Variants in CSMD1 observed in about 807,000 individuals in gnomAD.
CSMD1 encodes CUB and Sushi multiple domains 1.
CSMD1 carries 213 observed loss-of-function variants against 417.5 expected under a neutral mutation model. The ratio of observed to expected loss-of-function variants is 0.51; its 90% CI spans 0.46 to 0.57. The LOEUF is 0.57. Ranked by LOEUF, CSMD1 falls within the 20% of genes least tolerant of loss-of-function variation. CSMD1 has a pLI of 0.00. For missense variants in CSMD1, 6,923 were observed against 4,529.7 expected (o/e 1.53, Z -15.17); for synonymous variants, 2,862 against 1,736.8 (o/e 1.65, Z -16.11).
At chr8:4,295,728 GTGTGTGTGTATA>G (rs1797640236) in intron 3 of CSMD1, among the ~76,000 whole-genome samples, 1 of 111,670 alleles carries the variant, frequency 9.0e-6, no homozygotes, top group Non-Finnish European at 1.9e-5. Flanking sequence ...ATATATATCT[GTGTGTGTGTATA>G]TGTGTGTGTG....
Position 3,647,571 on chromosome 8 carries a change from G to A in CSMD1, c.1010-30774C>T, listed in dbSNP as rs570599781. On this transcript the variant is annotated intron_variant, in intron 7 of 69. Transcript: ENST00000635120. Reference sequence around the variant, plus strand: ...CAAATACAGCATAAAGAGAAATACGGCATAAAGAAAAACACAGCATGTTGG... The same window carrying A: ...CAAATACAGCATAAAGAGAAATACGACATAAAGAAAAACACAGCATGTTGG... Among the ~76,000 whole-genome samples the A allele has an allele frequency of 1.8e-4, 27 of 152,248 alleles. No individual in the cohort carries two copies. In the South Asian group the frequency reaches 3.5e-3, roughly 20 times the overall value.
chr8:3,538,302 G>C (rs1055243705), intron 10 of CSMD1, among the ~76,000 whole-genome samples: 2 of 152,202 alleles, frequency 1.3e-5, no homozygotes, highest in Non-Finnish European at 2.9e-5. Context: ...CTTCACCTGA[G>C]ATGGTACACG....
chr8:4,627,229 T>C (rs2130830968), intron 2 of CSMD1, among the ~76,000 whole-genome samples: 1 of 152,222 alleles, frequency 6.6e-6, no homozygotes, highest in African/African-American at 2.4e-5. Flanking sequence ...GACTTTGCTG[T>C]CCAGTCACTT....
Position 4,200,951 on chromosome 8 carries a change from A to C in CSMD1, c.416-168852T>G, listed in dbSNP as rs552954010. Among the ~76,000 whole-genome samples the C allele has an allele frequency of 5.5e-4, 84 of 152,282 alleles. 1 individual carries two copies. In the South Asian group the frequency reaches 0.013, roughly 23 times the overall value. ...CATGTCTTTTCTAATCTCCATAACT[A>C]AATGTCAGAAAGTTGTCTTATTAGT... On this transcript the variant is annotated intron_variant, in intron 3 of 69. Coordinates refer to ENST00000635120, the MANE Select transcript of CSMD1 (RefSeq NM_033225.6).
At chr8:4,381,074 G>A (rs542858326) in intron 3 of CSMD1, among the ~76,000 whole-genome samples, 54 of 152,236 alleles carry the variant, frequency 3.5e-4, no homozygotes, top group African/African-American at 1.2e-3. Flanking sequence ...TATTAGGTTG[G>A]TTCAAAAGTA....
intron 33 of CSMD1, among the ~76,000 whole-genome samples, chr8:3,198,779 T>C (rs1796836502): frequency 6.6e-6 from 1 of 152,190 alleles, no homozygotes; most frequent in Admixed American, 6.5e-5. Context: ...CGTAATAGTA[T>C]CAATAATGTT....
intron 1 of CSMD1, among the ~76,000 whole-genome samples, chr8:4,858,008 A>G (rs538654012): frequency 6.4e-4 from 98 of 152,188 alleles, no homozygotes; most frequent in Non-Finnish European, 7.6e-4. Flanking sequence ...TGACGCAAAA[A>G]TCCTCAGTAA....
Position 3,840,566 on chromosome 8 carries a change from T to A in CSMD1, c.819-86524A>T, listed in dbSNP as rs565943160. On this transcript the variant is annotated intron_variant, in intron 5 of 69. Transcript: ENST00000635120. ...AATTCAATCAAAATGCAAGCATGCC[T>A]CCTTATTTCAAGTTAAAACATGTGA... is the stretch of plus-strand genomic sequence containing the variant. Among the ~76,000 whole-genome samples the A allele has an allele frequency of 5.9e-5, 9 of 152,228 alleles. No individual in the cohort carries two copies. The South Asian group carries it at 1.9e-3, about 32-fold the overall frequency.
At chr8:4,586,166 G>A (rs1351402194) in intron 2 of CSMD1, among the ~76,000 whole-genome samples, 1 of 152,080 alleles carries the variant, frequency 6.6e-6, no homozygotes, top group Non-Finnish European at 1.5e-5. Context: ...TTAAAAACAT[G>A]CCAATTCCAC....
At chr8:3,128,829 C>G (rs1817644828) in intron 41 of CSMD1, 1 of 446,428 alleles carries the variant, frequency 2.2e-6, no homozygotes, top group South Asian at 1.6e-5. Flanking sequence ...AAAGTCCTTT[C>G]TTCTCCTTGA....
rs149685812 is a variant in CSMD1 at position 4,238,547 on chromosome 8, G to A, written c.415+181406C>T. On this transcript the variant is annotated intron_variant, in intron 3 of 69. Transcript: ENST00000635120. ...GTCAGACAGGCTTGAGGTTGATTCT[G>A]CTGGTGATTAGTTAGACAATGTGTC... 1.7e-3 allele frequency among the ~76,000 whole-genome samples: 261 copies of A among 152,278 alleles called. 1 individual carries two copies. The highest frequency in any genetic ancestry group is 6.1e-3 in the African/African-American group (252 of 41,556).
At chr8:3,926,094 CACACACACACACACACACACACACA>C (rs1809676781) in intron 5 of CSMD1, among the ~76,000 whole-genome samples, 1 of 59,918 alleles carries the variant, frequency 1.7e-5, no homozygotes. Flanking sequence ...CACACACACA[CACACACACACACACACACACACACA>C]CACACACACA....
chr8:3,866,929 A>G (rs1805144712), intron 5 of CSMD1, among the ~76,000 whole-genome samples: 1 of 152,194 alleles, frequency 6.6e-6, no homozygotes, highest in African/African-American at 2.4e-5. Flanking sequence ...GGACATATGC[A>G]TGTATGGATT....
At chr8:4,020,215 A>G (rs567832771) in intron 4 of CSMD1, among the ~76,000 whole-genome samples, 215 of 152,322 alleles carry the variant, frequency 1.4e-3, no homozygotes, top group African/African-American at 4.9e-3. Context: ...TTGAGGCCAG[A>G]CAGATTAAAT....
intron 1 of CSMD1, among the ~76,000 whole-genome samples, chr8:4,976,603 C>G (rs1810574775): frequency 6.6e-6 from 1 of 152,160 alleles, no homozygotes; most frequent in Non-Finnish European, 1.5e-5. Flanking sequence ...TTATAAACAG[C>G]TTAAAGACAA....
chr8:3,087,395 G>A (rs1358173668), intron 48 of CSMD1, 110 bp from the exon 49 acceptor site: 2 of 1,114,490 alleles, frequency 1.8e-6, no homozygotes, highest in East Asian at 2.4e-5. Context: ...CCAAAAGGTA[G>A]GAAATGAGCA....
chr8:2,936,132 T>C lies in CSMD1; in HGVS notation c.*2453A>G, dbSNP rs1801445111. On this transcript the variant is annotated 3_prime_UTR_variant, in exon 70 of 70. Transcript: ENST00000635120. ...ACGAGAATTTCACTGATTTTTTTTT[T>C]CATTTAAATAACATGCTTCAAACTG... The C allele has an allele frequency of 6.6e-6, 1 of 152,140 alleles. No homozygotes were observed. The highest frequency in any genetic ancestry group is 1.5e-5 in the Non-Finnish European group (1 of 68,032). 9.4% of individuals were successfully genotyped at this position (152,140 alleles called of 1,614,324 possible). A position where few individuals can be genotyped will look rare whatever the true frequency, so the allele number is the denominator to read the frequency against.
chr8:4,798,249 G>A (rs1026753529), intron 1 of CSMD1, among the ~76,000 whole-genome samples: 7 of 152,132 alleles, frequency 4.6e-5, no homozygotes, highest in Non-Finnish European at 2.9e-5. Context: ...ACCTATGAGT[G>A]AGAACATGCG....
intron 2 of CSMD1, among the ~76,000 whole-genome samples, chr8:4,627,316 T>C (rs1472882127): frequency 1.3e-5 from 2 of 152,070 alleles, no homozygotes; most frequent in African/African-American, 2.4e-5. Flanking sequence ...AACTTGATCA[T>C]CCACATAAAG....
Sources: allele counts gnomAD v4.1 joint callset (sites outside exome capture counted in the v4.1 genomes callset), GRCh38; gene constraint gnomAD v4.1.1; transcripts MANE v1.5; gene names NCBI Gene and HGNC (gene_info 2026-07-23, HGNC 2026-07-21).